The following CPED1 variants were observed in gnomAD, a reference collection of about 807,000 sequenced individuals.
CPED1 encodes cadherin-like and PC-esterase domain-containing protein 1.
A neutral mutation model predicts 128.2 loss-of-function variants in CPED1; 114 were observed. That is an observed-to-expected ratio of 0.89 (90% CI 0.76 to 1.04). The LOEUF (loss-of-function observed/expected upper bound fraction) is 1.04. CPED1 is among the 50% of genes least tolerant of loss of function. CPED1 has a pLI of 0.00. For synonymous variants in CPED1, 462 were observed against 426.7 expected (o/e 1.08, Z -1.02); for missense variants, 1,211 against 1,207.1 (o/e 1.00, Z -0.05).
intron 14 of CPED1, among the ~76,000 whole-genome samples, chr7:121,138,294 G>A (rs901483498): frequency 1.3e-5 from 2 of 151,914 alleles, no homozygotes; most frequent in African/African-American, 2.4e-5. Context: ...TGCCAAATAG[G>A]TTAAGCAGCC....
intron 16 of CPED1, among the ~76,000 whole-genome samples, chr7:121,224,936 A>G (rs536273913): frequency 1.1e-4 from 17 of 151,618 alleles, no homozygotes; most frequent in South Asian, 4.2e-4. Context: ...CAATTTGCCC[A>G]TTTGTGTCTT....
chr7:121,042,205 T>C (rs954248994), intron 3 of CPED1, among the ~76,000 whole-genome samples: 3 of 152,146 alleles, frequency 2.0e-5, no homozygotes, highest in Admixed American at 1.3e-4. Flanking sequence ...TATTTCTAGT[T>C]CCTGAGTACC....
At chr7:121,127,539 C>CTTT (rs67688816) in intron 10 of CPED1, among the ~76,000 whole-genome samples, 1 of 134,884 alleles carries the variant, frequency 7.4e-6, no homozygotes, top group African/African-American at 2.7e-5. Flanking sequence ...CTTTTTCTTT[C>CTTT]TTTTTTTTTT....
intron 16 of CPED1, among the ~76,000 whole-genome samples, chr7:121,210,281 C>CATG (rs1368531072): frequency 3.3e-5 from 5 of 151,936 alleles, no homozygotes; most frequent in African/African-American, 1.2e-4. Flanking sequence ...GTAGAACTAC[C>CATG]ATGTGATCCA....
intron 16 of CPED1, among the ~76,000 whole-genome samples, chr7:121,177,282 G>T (rs1403261869): frequency 6.6e-6 from 1 of 151,846 alleles, no homozygotes; most frequent in Non-Finnish European, 1.5e-5. Context: ...TAACTTCAAG[G>T]ATTCAATGAT....
intron 18 of CPED1, among the ~76,000 whole-genome samples, chr7:121,250,038 A>G (rs1451526001): frequency 6.6e-6 from 1 of 152,140 alleles, no homozygotes. Flanking sequence ...GCACCACACC[A>G]TACCTATTCC....
intron 16 of CPED1, among the ~76,000 whole-genome samples, chr7:121,168,741 C>A (rs1796589153): frequency 1.3e-5 from 2 of 152,292 alleles, no homozygotes; most frequent in East Asian, 3.9e-4. Flanking sequence ...CTCCACTACC[C>A]TTTTCAGCCT....
rs1439324412 is a variant in CPED1 at position 121,015,838 on chromosome 7, A to G, written c.423A>G (p.Leu141=). 6.4e-6 allele frequency: 10 copies of G among 1,550,928 alleles called. No individual in the cohort carries two copies. Among genetic ancestry groups the G allele is most frequent in the East Asian group, 2.4e-5 (1 of 42,444 alleles). The stretch of plus-strand genomic sequence containing the variant: ...TCAATGCTGGCCTAGGGCCGGGGCT[A>G]CTAGAACAAGGTCAGAATAGTGAGA... The part of the protein sequence containing the change: ...ERLNAGLGPG[L]LEQGDLGSWD... The change falls in exon 3 of 23, where the codon CTA becomes CTG. Residue 141 remains leucine (L), a synonymous_variant. Transcript: ENST00000310396.
chr7:121,228,115 C>CAA (rs1798057689), intron 16 of CPED1, among the ~76,000 whole-genome samples: 1 of 151,976 alleles, frequency 6.6e-6, no homozygotes, highest in Non-Finnish European at 1.5e-5. Flanking sequence ...ATTAAGACTT[C>CAA]AAAATCACAG....
chr7:121,067,318 TG>T (rs1441761553), intron 5 of CPED1, among the ~76,000 whole-genome samples: 9 of 151,816 alleles, frequency 5.9e-5, no homozygotes, highest in African/African-American at 9.7e-5. Flanking sequence ...CCTGTGTCCA[TG>T]TGTTCTCATT....
At chr7:121,223,096 G>C (rs547132579) in intron 16 of CPED1, among the ~76,000 whole-genome samples, 1 of 152,040 alleles carries the variant, frequency 6.6e-6, no homozygotes, top group African/African-American at 2.4e-5. Context: ...GTGGGTTTGT[G>C]ATAAATAGCT....
In CPED1 at chr7:121,022,055, TA is replaced by T. The variant is rs35758361; in HGVS notation, c.433+6217del. ...TTATTCCCTTGGAAAAATCTCACAT[TA>T]AAAAAAAAATCTGTAAGCTTCCTAA... On this transcript the variant is annotated intron_variant, in intron 3 of 22. Coordinates refer to ENST00000310396, the MANE Select transcript of CPED1 (RefSeq NM_024913.5). Among the ~76,000 whole-genome samples, 299 of 149,074 alleles carry T rather than the reference TA, an allele frequency of 2.0e-3. 2 individuals carry two copies. The highest frequency in any genetic ancestry group is 3.2e-3 in the Non-Finnish European group (212 of 66,854).
intron 8 of CPED1, 43 bp downstream of exon 8, chr7:121,124,516 A>C: frequency 1.5e-6 from 2 of 1,345,362 alleles, no homozygotes; most frequent in Non-Finnish European, 2.0e-6. Flanking sequence ...AAAAGAAAGA[A>C]AGCAACCTAT....
chr7:121,129,336 CGTATATATATATAT>C (rs1563037684), intron 11 of CPED1, among the ~76,000 whole-genome samples: 3 of 105,416 alleles, frequency 2.8e-5, no homozygotes, highest in East Asian at 2.4e-4. Context: ...TATATATATA[CGTATATATATATAT>C]ACATACATAC....
At chr7:121,266,146 T>G in intron 18 of CPED1, 81 bp from the exon 19 acceptor site, 1 of 1,079,700 alleles carries the variant, frequency 9.3e-7, no homozygotes, top group Non-Finnish European at 1.4e-6. Context: ...GTGTGAATAT[T>G]CAAAATTTCA....
In CPED1 at chr7:121,058,066, G is replaced by A. The variant is rs9986684; in HGVS notation, c.541-6172G>A. ...GCCTACAGTAAAGGGAGAAAGTCTTGGTTGAGGAACGTAAGGAGTTCCATG... is the reference window on the plus strand; with the variant it reads ...GCCTACAGTAAAGGGAGAAAGTCTTAGTTGAGGAACGTAAGGAGTTCCATG... On this transcript the variant is annotated intron_variant, in intron 4 of 22. Coordinates refer to ENST00000310396, the MANE Select transcript of CPED1 (RefSeq NM_024913.5). Among the ~76,000 whole-genome samples the A allele has an allele frequency of 2.0e-5, 3 of 152,094 alleles. No individual in the cohort carries two copies. In the East Asian group the frequency reaches 5.8e-4, roughly 29 times the overall value.
At chr7:121,049,078 A>G (rs1161453438) in intron 4 of CPED1, among the ~76,000 whole-genome samples, 1 of 152,234 alleles carries the variant, frequency 6.6e-6, no homozygotes, top group Non-Finnish European at 1.5e-5. Flanking sequence ...CATCAACCCT[A>G]GAATAAAGTC....
intron 3 of CPED1, among the ~76,000 whole-genome samples, chr7:121,031,892 A>C (rs577680086): frequency 2.6e-5 from 4 of 152,320 alleles, no homozygotes; most frequent in Non-Finnish European, 4.4e-5. Context: ...TGAAGAATAG[A>C]TGCTGAACCT....
At chr7:121,088,767 A>C (rs1318827795) in intron 5 of CPED1, among the ~76,000 whole-genome samples, 2 of 49,402 alleles carry the variant, frequency 4.0e-5, no homozygotes, top group Admixed American at 3.2e-4. Context: ...AATTGGCAAA[A>C]AAAAAAAAAA....
Sources: gnomAD v4.1 joint callset for allele counts (sites outside exome capture counted in the v4.1 genomes callset) on GRCh38, gnomAD v4.1.1 for gene constraint, MANE v1.5 for transcripts, NCBI Gene and HGNC (gene_info 2026-07-23, HGNC 2026-07-21) for gene names.